Variants in ACYP2 observed in about 807,000 individuals in gnomAD.
ACYP2 encodes acylphosphatase 2.
A neutral mutation model predicts 11.2 loss-of-function variants in ACYP2; 12 were observed. That is an observed-to-expected ratio of 1.08 (90% CI 0.69 to 1.74). The LOEUF is 1.74. ACYP2 is among the 40% of genes most tolerant of loss of function. The pLI, the probability that ACYP2 is intolerant of heterozygous loss-of-function variation, is 0.00. For missense variants in ACYP2, 134 were observed against 101.9 expected, an observed-to-expected ratio of 1.31 and a Z score of -1.35; for synonymous variants, 43 against 32.2, an observed-to-expected ratio of 1.33 and a Z score of -1.13.
At chr2:54,040,647 A>G (rs1257625100) in intron 2 of ACYP2, among the ~76,000 whole-genome samples, 3 of 152,196 alleles carry the variant, frequency 2.0e-5, no homozygotes, top group Non-Finnish European at 2.9e-5. Flanking sequence ...TCTAAAAACT[A>G]TATGGAAAGT....
At position 54,195,794 on chromosome 2, in the gene ACYP2, G is replaced by GTTTTTTTTTTTTTT. The variant is rs1168917459; in HGVS notation, c.404+57054_404+57067dup. On this transcript the variant is annotated intron_variant, in intron 6 of 6. Coordinates refer to ENST00000607452, the MANE Select transcript of ACYP2 (RefSeq NM_001320586.2). ...GTACATTGTCATCGTTTTGTTGTGGGTTTTTTTTTTTTTTTTTTTTTGAGA... is the reference window on the plus strand; with the variant it reads ...GTACATTGTCATCGTTTTGTTGTGGGTTTTTTTTTTTTTTTTTTTTTTTTTTTTTTTTTTTGAGA... Among the ~76,000 whole-genome samples the GTTTTTTTTTTTTTT allele has an allele frequency of 4.6e-4, 38 of 83,134 alleles. 3 individuals carry two copies. The highest frequency in any genetic ancestry group is 5.6e-4 in the South Asian group (1 of 1,788). The allele number at this position is 83,134 out of a possible 152,430, so 54.5% of individuals were successfully genotyped here.
chr2:54,037,467 G>T (rs1674967012), intron 2 of ACYP2, among the ~76,000 whole-genome samples: 2 of 152,180 alleles, frequency 1.3e-5, no homozygotes, highest in African/African-American at 4.8e-5. Flanking sequence ...CTGAGGTGCA[G>T]TGGCACAATC....
intron 2 of ACYP2, among the ~76,000 whole-genome samples, chr2:54,011,514 C>T (rs1233316052): frequency 1.3e-5 from 2 of 152,168 alleles, no homozygotes; most frequent in Non-Finnish European, 2.9e-5. Context: ...GAAGATGACT[C>T]TGATATGCAT....
chr2:54,080,780 G>C (rs1393949301), intron 4 of ACYP2, among the ~76,000 whole-genome samples: 3 of 151,690 alleles, frequency 2.0e-5, no homozygotes, highest in African/African-American at 7.3e-5. Context: ...GAGCCACCGT[G>C]CCCTGCCTCT....
At chr2:54,087,383 T>C (rs562806132) in intron 4 of ACYP2, among the ~76,000 whole-genome samples, 1 of 152,344 alleles carries the variant, frequency 6.6e-6, no homozygotes, top group South Asian at 2.1e-4. Flanking sequence ...GATTTCACTT[T>C]GTCACTCAGG....
At chr2:54,042,284 G>A (rs1286905458) in intron 2 of ACYP2, among the ~76,000 whole-genome samples, 10 of 152,188 alleles carry the variant, frequency 6.6e-5, no homozygotes, top group Non-Finnish European at 1.3e-4. Flanking sequence ...GGGATTACAG[G>A]CGTGAGCCAC....
intron 4 of ACYP2, among the ~76,000 whole-genome samples, chr2:54,120,212 C>A (rs779718458): frequency 5.6e-4 from 86 of 152,220 alleles, no homozygotes; most frequent in Non-Finnish European, 7.5e-4. Context: ...TCTTCACATT[C>A]TCAAGGAGCT....
intron 4 of ACYP2, among the ~76,000 whole-genome samples, chr2:54,116,953 G>A (rs1679845363): frequency 6.6e-6 from 1 of 152,196 alleles, no homozygotes; most frequent in Non-Finnish European, 1.5e-5. Flanking sequence ...GATGATTCAG[G>A]TCAGAGCAGG....
chr2:54,085,875 GTATATA>G (rs150582797), intron 4 of ACYP2, among the ~76,000 whole-genome samples: 2 of 151,504 alleles, frequency 1.3e-5, no homozygotes, highest in Admixed American at 1.3e-4. Context: ...GGAAAAATAT[GTATATA>G]TATATATAAA....
At chr2:54,019,839 C>G (rs545164895) in intron 2 of ACYP2, among the ~76,000 whole-genome samples, 3 of 151,392 alleles carry the variant, frequency 2.0e-5, no homozygotes, top group African/African-American at 7.3e-5. Context: ...AGGTTGGTCT[C>G]GAACTCCTGG....
intron 6 of ACYP2, among the ~76,000 whole-genome samples, chr2:54,240,910 A>G (rs151333104): frequency 2.1e-4 from 32 of 152,354 alleles, no homozygotes; most frequent in African/African-American, 7.2e-4. Context: ...AATTTTAGAA[A>G]GAAGACATTT....
intron 6 of ACYP2, among the ~76,000 whole-genome samples, chr2:54,173,245 G>A (rs1336564612): frequency 1.3e-5 from 2 of 152,184 alleles, no homozygotes; most frequent in Middle Eastern, 3.2e-3. Context: ...ATTCTAACTG[G>A]TGTGAGATGG....
intron 6 of ACYP2, among the ~76,000 whole-genome samples, chr2:54,201,577 C>CTTT (rs1684766373): frequency 1.5e-5 from 2 of 130,244 alleles, no homozygotes; most frequent in South Asian, 2.6e-4. Context: ...TGATAGCCAG[C>CTTT]TTCTTTTTCT....
At chr2:54,291,646 G>C (rs1048392587) in intron 6 of ACYP2, among the ~76,000 whole-genome samples, 1 of 152,216 alleles carries the variant, frequency 6.6e-6, no homozygotes, top group Non-Finnish European at 1.5e-5. Context: ...GAGTTCAGTG[G>C]AGAAAGAGGC....
chr2:53,995,908 G>A (rs560374447), intron 2 of ACYP2, among the ~76,000 whole-genome samples: 37 of 152,166 alleles, frequency 2.4e-4, no homozygotes, highest in South Asian at 1.0e-3. Context: ...CGAGGCGGGC[G>A]GATCACCTGA....
chr2:54,064,322 G>C (rs1676626084), intron 4 of ACYP2, among the ~76,000 whole-genome samples: 1 of 152,208 alleles, frequency 6.6e-6, no homozygotes, highest in Non-Finnish European at 1.5e-5. Context: ...CACCCAGCCA[G>C]TATCTGGGTC....
At chr2:54,092,368 A>G (rs1362647105) in intron 4 of ACYP2, among the ~76,000 whole-genome samples, 2 of 151,858 alleles carry the variant, frequency 1.3e-5, no homozygotes, top group Admixed American at 1.3e-4. Flanking sequence ...TATATTTGAC[A>G]CTCCGCTGAT....
At chr2:54,165,714 A>T (rs1481259613) in intron 6 of ACYP2, among the ~76,000 whole-genome samples, 1 of 152,084 alleles carries the variant, frequency 6.6e-6, no homozygotes, top group East Asian at 1.9e-4. Context: ...TGGAGAGGAG[A>T]CTGGGTGCCA....
chr2:54,297,707 C>CA (rs1254885111), intron 6 of ACYP2, among the ~76,000 whole-genome samples: 43 of 152,104 alleles, frequency 2.8e-4, no homozygotes, highest in African/African-American at 9.9e-4. Context: ...TTTCCTGTAT[C>CA]TTGTTTAAAA....
Sources: gnomAD v4.1 joint callset for allele counts (sites outside exome capture counted in the v4.1 genomes callset) on GRCh38, gnomAD v4.1.1 for gene constraint, MANE v1.5 for transcripts, NCBI Gene and HGNC (gene_info 2026-07-23, HGNC 2026-07-21) for gene names.